SEC31A: variants seen among roughly 807,000 people sequenced by gnomAD.
SEC31A encodes the protein SEC31 homolog A, COPII component, also known as protein transport protein Sec31A.
A neutral mutation model predicts 151.0 loss-of-function variants in SEC31A; 70 were observed. That is an observed-to-expected ratio of 0.46 (90% CI 0.38 to 0.57). The LOEUF (loss-of-function observed/expected upper bound fraction) is 0.57. Among genes scored for constraint, SEC31A ranks in the 20% least tolerant of loss-of-function variants. SEC31A has a pLI of 0.00. For missense variants in SEC31A, 1,330 were observed against 1,471.2 expected, an observed-to-expected ratio of 0.90 and a Z score of 1.57; for synonymous variants, 475 against 505.9, an observed-to-expected ratio of 0.94 and a Z score of 0.82.
chr4:82,822,903 G>A (rs932986819), intron 25 of SEC31A, among the ~76,000 whole-genome samples: 1 of 152,128 alleles, frequency 6.6e-6, no homozygotes, highest in Admixed American at 6.5e-5. Context: ...AACCTGGGAG[G>A]CGGAGGTTGC....
Position 82,819,249 on chromosome 4 carries a change from G to A in SEC31A, c.3488C>T (p.Ser1163Leu). ...LYDKLREQTL[S>L]PTITSGLHNI... ...GTGTAAACCACTGGTGATTGTTGGT[G>A]AAAGCTGAAACAAAAGTGAACCAAG... Residue 1163 changes from serine to leucine, a missense_variant, in exon 27 of 27, where the codon TCA (serine) becomes TTA (leucine). Coordinates refer to ENST00000395310, the MANE Select transcript of SEC31A (RefSeq NM_001077207.4). The A allele has an allele frequency of 1.3e-6, 2 of 1,564,108 alleles. No individual in the cohort carries two copies. Among genetic ancestry groups the A allele is most frequent in the African/African-American group, 2.7e-5 (2 of 73,524 alleles).
At position 82,857,644 on chromosome 4, in the gene SEC31A, C is replaced by T. The variant is rs577052203; in HGVS notation, c.1702+45G>A. On this transcript the variant is annotated intron_variant, in intron 15 of 26. Transcript: ENST00000395310. ...CTTAAATGCAGGAACTATTTGTTTT[C>T]CAATGGTTAAAAAAAATTAGAAATC... The T allele has an allele frequency of 2.6e-4, 325 of 1,240,134 alleles. 5 individuals are homozygous for T. In the South Asian group the frequency reaches 3.8e-3, roughly 14 times the overall value. 76.8% of individuals were successfully genotyped at this position (1,240,134 alleles called of 1,614,324 possible).
intron 22 of SEC31A, among the ~76,000 whole-genome samples, chr4:82,837,653 A>T (rs1727733316): frequency 6.6e-6 from 1 of 152,192 alleles, no homozygotes; most frequent in Non-Finnish European, 1.5e-5. Flanking sequence ...AGAAACATTC[A>T]TTTAAAAAAT....
At chr4:82,875,379 G>A (rs1225339315) in intron 5 of SEC31A, among the ~76,000 whole-genome samples, 3 of 152,092 alleles carry the variant, frequency 2.0e-5, no homozygotes, top group African/African-American at 4.8e-5. Flanking sequence ...TAAGAAGGTT[G>A]GTTGTTGCCA....
chr4:82,891,225 A>C, upstream of SEC31A: 2 of 1,497,826 alleles, frequency 1.3e-6, no homozygotes, highest in South Asian at 1.2e-5. Context: ...AGCCGCAGCC[A>C]CGCCCTGCGC....
chr4:82,850,141 G>A (rs1731180394), intron 19 of SEC31A, among the ~76,000 whole-genome samples: 1 of 151,194 alleles, frequency 6.6e-6, no homozygotes, highest in African/African-American at 2.4e-5. Flanking sequence ...GAAGAATAAT[G>A]TATAGAAAAT....
At chr4:82,838,801 T>C (rs1439065285) in intron 22 of SEC31A, among the ~76,000 whole-genome samples, 1 of 152,222 alleles carries the variant, frequency 6.6e-6, no homozygotes, top group Non-Finnish European at 1.5e-5. Context: ...ACCGAATGAA[T>C]GTTTTACAGA....
In SEC31A at chr4:82,818,903, C is replaced by G; in HGVS notation, c.*171G>C. 1 of 421,058 alleles carries G rather than the reference C, an allele frequency of 2.4e-6. No individual in the cohort carries two copies. The highest frequency in any genetic ancestry group is 4.1e-6 in the Non-Finnish European group (1 of 243,906). 26.1% of individuals were successfully genotyped at this position (421,058 alleles called of 1,614,324 possible). A position where few individuals can be genotyped will look rare whatever the true frequency, so the allele number is the denominator to read the frequency against. On this transcript the variant is annotated 3_prime_UTR_variant, in exon 27 of 27. Transcript: ENST00000395310. ...AAAAGATTAAAACAAAAATAAAGCA[C>G]CAGGGTTCTGAGCAGTTCTAAGGTG...
chr4:82,854,946 T>C lies in SEC31A; in HGVS notation c.1965A>G (p.Ala655=), dbSNP rs763049318. The C allele has an allele frequency of 1.2e-6, 2 of 1,613,926 alleles. No homozygotes were observed. Among genetic ancestry groups the C allele is most frequent in the Admixed American group, 1.7e-5 (1 of 59,996 alleles). The part of the protein sequence containing the change: ...DLKNWREALA[A]VLTYAKPDEF... ...CATCCGGCTTTGCATAAGTCAATACTGCAGCTAAAGCCTCTCTCCAATTTT... is the reference window on the plus strand; with the variant it reads ...CATCCGGCTTTGCATAAGTCAATACCGCAGCTAAAGCCTCTCTCCAATTTT... The change falls in exon 17 of 27, where the codon GCA becomes GCG. Residue 655 remains alanine (A), a synonymous_variant. Coordinates refer to ENST00000395310, the MANE Select transcript of SEC31A (RefSeq NM_001077207.4).
At chr4:82,825,567 C>T (rs968790247) in intron 24 of SEC31A, among the ~76,000 whole-genome samples, 2 of 152,086 alleles carry the variant, frequency 1.3e-5, no homozygotes, top group Non-Finnish European at 2.9e-5. Context: ...AAGGAAGGAT[C>T]ACGGTAAAAG....
upstream of SEC31A, chr4:82,894,383 T>A: frequency 6.6e-6 from 1 of 152,344 alleles, no homozygotes. Context: ...AAATTTCCAT[T>A]GAAAGCTCTA....
At chr4:82,879,710 A>G (rs149210131) in intron 3 of SEC31A, among the ~76,000 whole-genome samples, 92 of 152,326 alleles carry the variant, frequency 6.0e-4, no homozygotes, top group African/African-American at 2.1e-3. Flanking sequence ...TCAGCTAAAG[A>G]GCAATCTCTT....
chr4:82,831,547 G>C (rs1432771787), intron 22 of SEC31A, among the ~76,000 whole-genome samples: 1 of 152,154 alleles, frequency 6.6e-6, no homozygotes, highest in Non-Finnish European at 1.5e-5. Flanking sequence ...GAAGTAGCAG[G>C]GAACTGGAGA....
intron 19 of SEC31A, 129 bp downstream of exon 19, chr4:82,851,302 T>C: frequency 1.5e-6 from 1 of 659,956 alleles, no homozygotes; most frequent in Non-Finnish European, 2.6e-6. Context: ...AACATTTACC[T>C]GCAGTCAGGT....
rs542724078 is a variant in SEC31A, at chr4:82,849,592, C to T, written c.2329-615G>A. ...ACATACCACTGCACTCCAGCCTGGG[C>T]GACAGAGCAAGAATCCGTCTCAAAA... On this transcript the variant is annotated intron_variant, in intron 19 of 26. Transcript: ENST00000395310. Among the ~76,000 whole-genome samples, 8 of 117,914 alleles carry T rather than the reference C, an allele frequency of 6.8e-5. No homozygotes were observed. In the South Asian group the frequency reaches 1.3e-3, roughly 20 times the overall value. 77.4% of individuals were successfully genotyped at this position (117,914 alleles called of 152,430 possible).
At chr4:82,888,046 AAAACAAAC>A (rs56912648) in intron 1 of SEC31A, among the ~76,000 whole-genome samples, 52 of 146,470 alleles carry the variant, frequency 3.6e-4, no homozygotes, top group African/African-American at 8.5e-4. Context: ...ACTCTGTCTC[AAAACAAAC>A]AAACAAACAA....
Position 82,862,591 on chromosome 4 carries a change from C to T in SEC31A, c.1510-19G>A. The T allele has an allele frequency of 1.2e-6, 2 of 1,609,086 alleles. No homozygotes were observed. Among genetic ancestry groups the T allele is most frequent in the South Asian group, 1.1e-5 (1 of 90,896 alleles). On this transcript the variant is annotated intron_variant, in intron 12 of 26. Transcript: ENST00000395310. ...AAGCAATCTGAAATAAAAATAACAG[C>T]TCACCTACTACATGGAATTCTATTT... is the stretch of plus-strand genomic sequence containing the variant.
intron 19 of SEC31A, 124 bp from the exon 20 acceptor site, chr4:82,849,101 A>G: frequency 2.4e-6 from 2 of 823,212 alleles, no homozygotes; most frequent in Non-Finnish European, 3.8e-6. Flanking sequence ...TGGGTATTAT[A>G]CAATAGACCC....
intron 4 of SEC31A, among the ~76,000 whole-genome samples, chr4:82,876,779 C>T (rs924228525): frequency 6.6e-6 from 1 of 152,248 alleles, no homozygotes; most frequent in East Asian, 1.9e-4. Context: ...CCTTCATCCA[C>T]TACTATTTAC....
Sources: gnomAD v4.1 joint callset for allele counts (sites outside exome capture counted in the v4.1 genomes callset) on GRCh38, gnomAD v4.1.1 for gene constraint, MANE v1.5 for transcripts, NCBI Gene and HGNC (gene_info 2026-07-23, HGNC 2026-07-21) for gene names.